The following LRPPRC variants were observed in gnomAD, a reference collection of about 807,000 sequenced individuals.
The protein encoded by LRPPRC is leucine-rich PPR motif-containing protein, mitochondrial.
In LRPPRC, 120 loss-of-function variants were observed where a neutral mutation model predicts 180.3. That is an observed-to-expected ratio of 0.67 (90% CI 0.57 to 0.77). The LOEUF (loss-of-function observed/expected upper bound fraction) is 0.77, where lower values mean the gene tolerates loss of function less well. Among genes scored for constraint, LRPPRC ranks in the 30% least tolerant of loss-of-function variants. LRPPRC has a pLI of 0.00. For missense variants in LRPPRC, 2,012 were observed against 1,657.2 expected (o/e 1.21, Z -3.72); for synonymous variants, 723 against 600.0 (o/e 1.21, Z -3.00).
chr2:43,992,130 G>A (rs1405990903), intron 1 of LRPPRC, among the ~76,000 whole-genome samples: 1 of 152,158 alleles, frequency 6.6e-6, no homozygotes, highest in African/African-American at 2.4e-5. Flanking sequence ...TCTAAGAGGA[G>A]GCACAAGAAA....
chr2:43,925,932 C>A lies in LRPPRC; in HGVS notation c.2766G>T (p.Arg922Ser), dbSNP rs545927119. Residue 922 changes from arginine (R) to serine (S), a missense_variant, in exon 26 of 38, where the codon AGG becomes AGT. By Grantham distance (110) the Arg-to-Ser change is moderately radical. Coordinates refer to ENST00000260665, the MANE Select transcript of LRPPRC (RefSeq NM_133259.4). Reference sequence around the variant, plus strand: ...CACATCTGTCACAAAACCACTGAAGCCTTGCAGATCGAGCTCTAATCCCTG... The same window carrying A: ...CACATCTGTCACAAAACCACTGAAGACTTGCAGATCGAGCTCTAATCCCTG... ...ETPGIRARSA[R>S]LQWFCDRCVA... is the part of the protein sequence containing the mutation. The A allele has an allele frequency of 3.1e-6, 5 of 1,612,514 alleles. No individual in the cohort carries two copies. In the Admixed American group the frequency reaches 6.7e-5, roughly 21 times the overall value.
At chr2:43,979,805 C>T in intron 3 of LRPPRC, 21 bp downstream of exon 3, 1 of 1,609,570 alleles carries the variant, frequency 6.2e-7, no homozygotes, top group South Asian at 1.1e-5. Context: ...TTATACACAT[C>T]ATATATTTAA....
chr2:43,921,572 C>G (rs959808805), intron 27 of LRPPRC, among the ~76,000 whole-genome samples: 11 of 151,924 alleles, frequency 7.2e-5, no homozygotes, highest in African/African-American at 2.2e-4. Context: ...ATAAAAAATA[C>G]ATGGATATAA....
Position 43,995,924 on chromosome 2 carries a change from C to A in LRPPRC, c.24G>T (p.Ala8=), listed in dbSNP as rs1235320500. The A allele has an allele frequency of 2.6e-6, 4 of 1,519,640 alleles. No individual in the cohort carries two copies. The African/African-American group carries it at 4.3e-5, about 16-fold the overall frequency. The allele number at this position is 1,519,640 out of a possible 1,614,324, so 94.1% of individuals were successfully genotyped here. A position where few individuals can be genotyped will look rare whatever the true frequency, so the allele number is the denominator to read the frequency against. MAALLRS[A]RWLLRAGAAP... ...CCGCCCCGGCACGCAGCAACCAACG[C>A]GCGGATCTCAGCAGGGCTGCCATTG... The change falls in exon 1 of 38, where the codon GCG becomes GCT. Residue 8 remains alanine, a synonymous_variant. Coordinates refer to ENST00000260665, the MANE Select transcript of LRPPRC (RefSeq NM_133259.4).
rs763268576 is a variant in LRPPRC, at chr2:43,918,057, A to G, written c.3116T>C (p.Ile1039Thr). The change falls in exon 29 of 38, where the codon ATA becomes ACA. Residue 1039 changes from isoleucine to threonine, a missense_variant. Coordinates refer to ENST00000260665, the MANE Select transcript of LRPPRC (RefSeq NM_133259.4). Reference protein sequence around the residue: ...STTEPDFQKDILIACRLNQKK... With the variant: ...STTEPDFQKDTLIACRLNQKK... ...TTGGTTCAATCGGCAGGCAATCAAT[A>G]TATCTTTCTGGAAATCAGGTTCTGT... is the stretch of plus-strand genomic sequence containing the variant. The G allele has an allele frequency of 8.7e-6, 14 of 1,612,296 alleles. No homozygotes were observed. The highest frequency in any genetic ancestry group is 8.1e-5 in the African/African-American group (6 of 74,438).
chr2:43,919,815 G>A (rs930831755), intron 27 of LRPPRC, among the ~76,000 whole-genome samples: 3 of 151,930 alleles, frequency 2.0e-5, no homozygotes, highest in Admixed American at 6.6e-5. Flanking sequence ...TAATTTGCTA[G>A]TATGTATAAG....
intron 27 of LRPPRC, among the ~76,000 whole-genome samples, chr2:43,919,220 A>G (rs1671608330): frequency 1.3e-5 from 2 of 152,200 alleles, no homozygotes; most frequent in Admixed American, 1.3e-4. Flanking sequence ...GAGGTGGAAC[A>G]GTTTCATCCC....
In LRPPRC at chr2:43,973,841, A is replaced by C; in HGVS notation, c.1215T>G (p.Phe405Leu). 1 of 1,613,876 alleles carries C rather than the reference A, an allele frequency of 6.2e-7. No homozygotes were observed. Among genetic ancestry groups the C allele is most frequent in the Non-Finnish European group, 8.5e-7 (1 of 1,179,828 alleles). The change falls in exon 10 of 38, where the codon TTT (phenylalanine) becomes TTG (leucine). Residue 405 changes from phenylalanine (F) to leucine (L), a missense_variant. Phe to Leu is a conservative substitution (Grantham distance 22). Coordinates refer to ENST00000260665, the MANE Select transcript of LRPPRC (RefSeq NM_133259.4). ...KKLKEVQMHSFPLQFTLHCAL... is the reference protein window; with the variant it reads ...KKLKEVQMHSLPLQFTLHCAL... ...CACAATGGAGGGTGAACTGCAGAGGAAAGGAGTGCATCTGGACTTCCTTTA... is the reference window on the plus strand; with the variant it reads ...CACAATGGAGGGTGAACTGCAGAGGCAAGGAGTGCATCTGGACTTCCTTTA...
chr2:43,988,253 A>G (rs1674617198), intron 1 of LRPPRC, among the ~76,000 whole-genome samples: 1 of 151,318 alleles, frequency 6.6e-6, no homozygotes, highest in Non-Finnish European at 1.5e-5. Flanking sequence ...AAAAAAAAAA[A>G]AAGCTGGACA....
At chr2:43,948,367 A>C (rs112071935) in intron 17 of LRPPRC, 45 bp downstream of exon 17, 22 of 1,171,586 alleles carry the variant, frequency 1.9e-5, no homozygotes, top group South Asian at 1.7e-4. Flanking sequence ...TAATAGATAC[A>C]TGTCAGGCAG....
intron 26 of LRPPRC, among the ~76,000 whole-genome samples, chr2:43,925,414 C>T (rs1671840186): frequency 6.6e-6 from 1 of 152,116 alleles, no homozygotes; most frequent in Admixed American, 6.5e-5. Flanking sequence ...GTCAAGAACA[C>T]AACATGAATA....
chr2:43,915,367 G>C (rs1290471920), intron 29 of LRPPRC, among the ~76,000 whole-genome samples: 1 of 151,568 alleles, frequency 6.6e-6, no homozygotes, highest in African/African-American at 2.4e-5. Context: ...AAGATATATA[G>C]ACTGAATATG....
intron 25 of LRPPRC, among the ~76,000 whole-genome samples, chr2:43,933,724 T>A (rs1672173882): frequency 6.6e-6 from 1 of 152,186 alleles, no homozygotes; most frequent in African/African-American, 2.4e-5. Context: ...AGAAGAAAAT[T>A]TAAATTAAAT....
chr2:43,947,703 T>C (rs748942321), intron 19 of LRPPRC, 28 bp downstream of exon 19: 36 of 1,323,738 alleles, frequency 2.7e-5, no homozygotes, highest in Non-Finnish European at 3.9e-5. Flanking sequence ...TATTATAGCA[T>C]GTAGAATCTA....
At chr2:43,917,657 C>T (rs1220618566) in intron 29 of LRPPRC, among the ~76,000 whole-genome samples, 1 of 151,926 alleles carries the variant, frequency 6.6e-6, no homozygotes, top group Non-Finnish European at 1.5e-5. Context: ...GGCGTGGGGG[C>T]GGACACCTGT....
At chr2:43,893,100 C>T (rs138516157) in intron 36 of LRPPRC, among the ~76,000 whole-genome samples, 3 of 152,254 alleles carry the variant, frequency 2.0e-5, no homozygotes, top group East Asian at 1.9e-4. Flanking sequence ...AGCGTGAAGA[C>T]GTGACTGAAT....
At position 43,982,233 on chromosome 2, in the gene LRPPRC, A is replaced by G. The variant is rs762527627; in HGVS notation, c.346+5T>C. On this transcript the variant is annotated splice_donor_5th_base_variant and intron_variant, in intron 2 of 37. Transcript: ENST00000260665. ...CAACTTTATGAACAGGAAATTTTGA[A>G]ATACCTGAGCGGCAGGTATCATTAA... The G allele has an allele frequency of 1.9e-6, 3 of 1,550,696 alleles. No individual in the cohort carries two copies. The Admixed American group carries it at 6.2e-5, about 32-fold the overall frequency.
chr2:43,995,415 C>G (rs574126690), intron 1 of LRPPRC, among the ~76,000 whole-genome samples: 33 of 152,336 alleles, frequency 2.2e-4, no homozygotes, highest in African/African-American at 7.0e-4. Flanking sequence ...TACTGATCAC[C>G]AACGGTGACC....
chr2:43,980,833 T>C (rs1254372256), intron 2 of LRPPRC, among the ~76,000 whole-genome samples: 1 of 152,180 alleles, frequency 6.6e-6, no homozygotes, highest in East Asian at 1.9e-4. Context: ...AGTTGTTGCC[T>C]ACGGCTGGAA....
Sources: allele counts gnomAD v4.1 joint callset (sites outside exome capture counted in the v4.1 genomes callset), GRCh38; gene constraint gnomAD v4.1.1; transcripts MANE v1.5; gene names NCBI Gene and HGNC (gene_info 2026-07-23, HGNC 2026-07-21).